MZT2B: variants seen among roughly 807,000 people sequenced by gnomAD.
MZT2B encodes mitotic spindle organizing protein 2B, also known as mitotic-spindle organizing protein 2B.
Under a neutral mutation model 12.1 loss-of-function variants are expected in MZT2B, and 11 were observed. The observed-to-expected ratio is 0.91, with a 90% CI of 0.57 to 1.50. The LOEUF (loss-of-function observed/expected upper bound fraction) is 1.50, where lower values mean the gene tolerates loss of function less well. MZT2B is among the 40% of genes most tolerant of loss of function. The pLI is 0.00. For synonymous variants in MZT2B, 85 were observed against 109.5 expected (o/e 0.78, Z 1.40); for missense variants, 209 against 227.7 (o/e 0.92, Z 0.53).
chr2:130,181,800 A>G (rs1464305029), upstream of MZT2B: 1 of 1,546,134 alleles, frequency 6.5e-7, no homozygotes, highest in East Asian at 2.5e-5. Context: ...GCCCCAAGGT[A>G]CTTTCTCCCC....
chr2:130,197,106 G>A, the MZT2B span, among the ~76,000 whole-genome samples: 1 of 152,012 alleles, frequency 6.6e-6, no homozygotes, highest in Non-Finnish European at 1.5e-5. Context: ...TTGTAACCAC[G>A]CCCTCTCTCT....
At chr2:130,184,800 G>T (rs986317198) in intron 2 of MZT2B, 1 of 985,318 alleles carries the variant, frequency 1.0e-6, no homozygotes, top group African/African-American at 1.7e-5. Context: ...GCCAGGCCTA[G>T]CTCTCAGGGC....
At position 130,183,971 on chromosome 2, in the gene MZT2B, C is replaced by T. The variant is rs368057957; in HGVS notation, c.319+1196C>T. 6.9e-5 allele frequency: 107 copies of T among 1,550,484 alleles called. No homozygotes were observed. In the African/African-American group the frequency reaches 9.6e-4, roughly 14 times the overall value. The stretch of plus-strand genomic sequence containing the variant: ...GCCTGTTCTCTCCTTTTGCAGGTTG[C>T]GTTTATTGGCTTATCTCTGGGGGTT... On this transcript the variant is annotated intron_variant, in intron 2 of 2. Transcript: ENST00000281871.
downstream of MZT2B, chr2:130,190,867 T>G: frequency 1.1e-6 from 1 of 928,536 alleles, no homozygotes; most frequent in South Asian, 5.0e-5. Flanking sequence ...TGAACCTGAT[T>G]TGGGTTCTGA....
chr2:130,185,239 A>G (rs1288958527), intron 2 of MZT2B, among the ~76,000 whole-genome samples: 1 of 147,462 alleles, frequency 6.8e-6, no homozygotes, highest in Non-Finnish European at 1.5e-5. Flanking sequence ...TGAACTTGGG[A>G]GGTGGAGCTT....
intron 2 of MZT2B, among the ~76,000 whole-genome samples, chr2:130,188,603 T>C (rs887478342): frequency 1.1e-4 from 16 of 152,164 alleles, no homozygotes; most frequent in South Asian, 2.1e-4. Context: ...CTTTGTTGAG[T>C]CAAGTGTGAC....
the MZT2B span, chr2:130,204,529 A>T: frequency 6.8e-6 from 2 of 293,996 alleles, no homozygotes; most frequent in Non-Finnish European, 1.3e-5. Flanking sequence ...CGTCTCTATT[A>T]AAAATGCAAA....
At chr2:130,194,115 G>A (rs746193667), downstream of MZT2B, 54 of 1,614,066 alleles carry the variant, frequency 3.3e-5, 2 homozygotes, top group South Asian at 4.9e-4. Context: ...CCATCAAATC[G>A]CAGGGAGGCC....
chr2:130,191,100 T>C (rs1690247755), downstream of MZT2B, among the ~76,000 whole-genome samples: 1 of 152,034 alleles, frequency 6.6e-6, no homozygotes, highest in African/African-American at 2.4e-5. Context: ...CAGGTGCCCA[T>C]CACCACGCCC....
intron 2 of MZT2B, among the ~76,000 whole-genome samples, chr2:130,187,969 G>A (rs1475903771): frequency 1.7e-4 from 26 of 151,938 alleles, no homozygotes; most frequent in Non-Finnish European, 2.6e-4. Flanking sequence ...CCTCCAGGCC[G>A]TGAGTTTGGG....
the MZT2B span, chr2:130,196,038 G>A: frequency 9.6e-6 from 13 of 1,360,906 alleles, no homozygotes; most frequent in South Asian, 1.5e-4. Context: ...ATGGGCATAT[G>A]CCTGTCTATC....
chr2:130,182,750 C>G lies in MZT2B; in HGVS notation c.294C>G (p.Pro98=), dbSNP rs1171646567. The part of the protein sequence containing the change: ...EPQDPAAVSL[P]TSSVPETRGR... ...AGGACCCTGCGGCCGTGTCTCTGCC[C>G]ACGTCGAGCGTGCCCGAGACCCGAG... is the stretch of plus-strand genomic sequence containing the variant. The change falls in exon 2 of 3, where the codon CCC becomes CCG. Residue 98 remains proline (P), a synonymous_variant. Transcript: ENST00000281871. 1.3e-6 allele frequency: 2 copies of G among 1,517,918 alleles called. No homozygotes were observed. The highest frequency in any genetic ancestry group is 1.8e-6 in the Non-Finnish European group (2 of 1,129,040). The allele number at this position is 1,517,918 out of a possible 1,614,324, so 94.0% of individuals were successfully genotyped here.
At chr2:130,198,510 A>C in the MZT2B span, 1 of 959,520 alleles carries the variant, frequency 1.0e-6, no homozygotes, top group South Asian at 1.8e-5. Context: ...AGTTCCTGGG[A>C]GGCAGGCCGA....
At chr2:130,181,863 TC>T (rs1689683797), upstream of MZT2B, 7 of 1,438,636 alleles carry the variant, frequency 4.9e-6, no homozygotes, top group East Asian at 2.7e-5. Flanking sequence ...GCCCCCCCCT[TC>T]CCCCCGCCCG....
intron 2 of MZT2B, chr2:130,184,495 G>A: frequency 9.1e-6 from 9 of 985,462 alleles, no homozygotes; most frequent in Non-Finnish European, 1.1e-5. Context: ...CTTTCCAGGT[G>A]TCAGCAGGTG....
At position 130,184,647 on chromosome 2, in the gene MZT2B, G is replaced by C. The variant is rs1044256085; in HGVS notation, c.319+1872G>C. 1.6e-5 allele frequency: 16 copies of C among 985,242 alleles called. No individual in the cohort carries two copies. In the African/African-American group the frequency reaches 2.4e-4, roughly 15 times the overall value. 61.0% of individuals were successfully genotyped at this position (985,242 alleles called of 1,614,324 possible). Reference sequence around the variant, plus strand: ...AGGGTGGAGAGGGGCTGAGGGACAGGCCTGGAGTAGGGGTGTATGCACTGC... The same window carrying C: ...AGGGTGGAGAGGGGCTGAGGGACAGCCCTGGAGTAGGGGTGTATGCACTGC... On this transcript the variant is annotated intron_variant, in intron 2 of 2. Coordinates refer to ENST00000281871, the MANE Select transcript of MZT2B (RefSeq NM_025029.5).
intron 2 of MZT2B, among the ~76,000 whole-genome samples, chr2:130,185,085 G>A (rs372281236): frequency 2.1e-4 from 32 of 152,250 alleles, no homozygotes; most frequent in Admixed American, 1.6e-3. Context: ...CGAGGCGGGC[G>A]GATCTCGAGG....
chr2:130,194,157 G>A (rs374679515), downstream of MZT2B: 176 of 1,613,788 alleles, frequency 1.1e-4, no homozygotes, highest in Non-Finnish European at 1.4e-4. Flanking sequence ...CCAATCAGGC[G>A]ATTGAGGTTG....
chr2:130,204,519 C>T, the MZT2B span: 367 of 288,760 alleles, frequency 1.3e-3, no homozygotes, highest in Non-Finnish European at 1.3e-3. Flanking sequence ...GGTGAAACCC[C>T]GTCTCTATTA....
Sources: allele counts gnomAD v4.1 joint callset (sites outside exome capture counted in the v4.1 genomes callset), GRCh38; gene constraint gnomAD v4.1.1; transcripts MANE v1.5; gene names NCBI Gene and HGNC (gene_info 2026-07-23, HGNC 2026-07-21).